The following KIZ variants were observed in gnomAD, a reference collection of about 807,000 sequenced individuals.
KIZ encodes the protein kizuna centrosomal protein.
Under a neutral mutation model 79.6 loss-of-function variants are expected in KIZ, and 68 were observed. The ratio of observed to expected loss-of-function variants is 0.85; its 90% confidence interval spans 0.70 to 1.05. The LOEUF (loss-of-function observed/expected upper bound fraction) is 1.05, where lower values mean the gene tolerates loss of function less well. Ranked by LOEUF, KIZ falls within the 50% of genes least tolerant of loss-of-function variation. The pLI, the probability that KIZ is intolerant of heterozygous loss-of-function variation, is 0.00. For missense variants in KIZ, 797 were observed against 800.4 expected (o/e 1.00, Z 0.05); for synonymous variants, 280 against 281.8 (o/e 0.99, Z 0.06).
intron 12 of KIZ, chr20:21,245,210 T>G (rs1309687677): frequency 6.6e-6 from 1 of 152,230 alleles, no homozygotes; most frequent in East Asian, 1.9e-4. Context: ...TAACCCAGTA[T>G]GGAAACTGAT....
chr20:21,222,540 G>A (rs529088235), intron 9 of KIZ, among the ~76,000 whole-genome samples: 1 of 152,312 alleles, frequency 6.6e-6, no homozygotes, highest in South Asian at 2.1e-4. Flanking sequence ...AAAATGAGGG[G>A]TTGGAGTGTA....
intron 11 of KIZ, among the ~76,000 whole-genome samples, chr20:21,235,255 T>C (rs532242273): frequency 1.3e-5 from 2 of 152,250 alleles, no homozygotes; most frequent in East Asian, 3.9e-4. Flanking sequence ...TTCGGGTGCT[T>C]TCATATTCCG....
At chr20:21,149,565 C>G (rs1213518974) in intron 4 of KIZ, among the ~76,000 whole-genome samples, 1 of 152,236 alleles carries the variant, frequency 6.6e-6, no homozygotes, top group African/African-American at 2.4e-5. Context: ...TCTGCAGTGG[C>G]TTTAGCCACG....
intron 4 of KIZ, chr20:21,158,702 G>GAA (rs2033505721): frequency 6.6e-6 from 1 of 152,196 alleles, no homozygotes; most frequent in Non-Finnish European, 1.5e-5. Flanking sequence ...AAGGATCATG[G>GAA]AGGTGGAACT....
chr20:21,141,026 ATAAAG>A (rs1408437901), intron 3 of KIZ, among the ~76,000 whole-genome samples: 2 of 152,092 alleles, frequency 1.3e-5, no homozygotes, highest in East Asian at 1.9e-4. Flanking sequence ...ATTAATAATA[ATAAAG>A]TAAATTAAAA....
At chr20:21,206,139 A>G (rs2035818522) in intron 7 of KIZ, among the ~76,000 whole-genome samples, 1 of 152,228 alleles carries the variant, frequency 6.6e-6, no homozygotes, top group African/African-American at 2.4e-5. Flanking sequence ...AAAGCATCTT[A>G]TAACACTCTA....
intron 6 of KIZ, among the ~76,000 whole-genome samples, chr20:21,177,347 A>G (rs951036168): frequency 1.3e-5 from 2 of 152,130 alleles, no homozygotes; most frequent in African/African-American, 2.4e-5. Flanking sequence ...GCATCTTTTC[A>G]TATACCTCTT....
At chr20:21,151,464 G>A (rs2033110998) in intron 4 of KIZ, 1 of 152,126 alleles carries the variant, frequency 6.6e-6, no homozygotes, top group Admixed American at 6.5e-5. Flanking sequence ...GGTGCCTATC[G>A]TGTAGTGGAA....
chr20:21,164,675 A>G (rs1425970136), intron 6 of KIZ, among the ~76,000 whole-genome samples: 3 of 151,678 alleles, frequency 2.0e-5, no homozygotes, highest in Non-Finnish European at 4.4e-5. Flanking sequence ...ACATTTCTCT[A>G]AGAGTCAAGA....
At chr20:21,227,059 T>A (rs1053055718) in intron 9 of KIZ, among the ~76,000 whole-genome samples, 90 of 152,134 alleles carry the variant, frequency 5.9e-4, no homozygotes, top group South Asian at 1.0e-3. Context: ...TTTTCCAGAG[T>A]ATCAAAATGG....
At chr20:21,236,437 A>G (rs77012199) in intron 11 of KIZ, among the ~76,000 whole-genome samples, 3,419 of 152,330 alleles carry the variant, frequency 0.022, 61 homozygotes, top group Middle Eastern at 0.051. Context: ...AGCAGTCAAA[A>G]ATTATTACAA....
intron 4 of KIZ, among the ~76,000 whole-genome samples, chr20:21,147,477 A>G (rs1600383929): frequency 6.6e-6 from 1 of 152,192 alleles, no homozygotes; most frequent in African/African-American, 2.4e-5. Context: ...TCCTTATCAT[A>G]TGAGTTATAG....
At chr20:21,163,967 T>C (rs904013923) in intron 6 of KIZ, among the ~76,000 whole-genome samples, 3 of 152,200 alleles carry the variant, frequency 2.0e-5, no homozygotes, top group African/African-American at 7.2e-5. Flanking sequence ...CTAAGGTAGA[T>C]CTCACCTTTT....
In KIZ at chr20:21,232,254, T is replaced by C. The variant is rs1003016211; in HGVS notation, c.1784-480T>C. On this transcript the variant is annotated intron_variant, in intron 10 of 12. Coordinates refer to ENST00000619189, the MANE Select transcript of KIZ (RefSeq NM_018474.6). ...CTTTAGAGGCTGGTAAAGAGTGGCC[T>C]TGATGATTTTCAGTGGAGATTCTTT... 3.9e-5 allele frequency among the ~76,000 whole-genome samples: 6 copies of C among 152,164 alleles called. No individual in the cohort carries two copies. The South Asian group carries it at 8.3e-4, about 21-fold the overall frequency.
chr20:21,241,325 A>AT (rs1222838990), intron 11 of KIZ, among the ~76,000 whole-genome samples: 1 of 152,186 alleles, frequency 6.6e-6, no homozygotes, highest in Non-Finnish European at 1.5e-5. Context: ...ACTTTCAGAG[A>AT]TTTTCCCAAA....
chr20:21,140,283 T>C (rs1206670044), intron 3 of KIZ, among the ~76,000 whole-genome samples: 1 of 152,160 alleles, frequency 6.6e-6, no homozygotes, highest in East Asian at 1.9e-4. Flanking sequence ...TCACAGTGCA[T>C]TGCCCACACA....
rs375670308 is a variant in KIZ, at chr20:21,219,207, A to G, written c.1678+3559A>G. 2.4e-4 allele frequency among the ~76,000 whole-genome samples: 37 copies of G among 152,380 alleles called. 1 individual carries two copies. In the East Asian group the frequency reaches 5.6e-3, roughly 23 times the overall value. ...GGTAGAATATTTATCGAGCTTAATTATAGAGCGTAGCTCAGTAACAAAACA... is the reference window on the plus strand; with the variant it reads ...GGTAGAATATTTATCGAGCTTAATTGTAGAGCGTAGCTCAGTAACAAAACA... On this transcript the variant is annotated intron_variant, in intron 9 of 12. Coordinates refer to ENST00000619189, the MANE Select transcript of KIZ (RefSeq NM_018474.6).
chr20:21,199,054 G>C (rs182950722), intron 6 of KIZ, among the ~76,000 whole-genome samples: 263 of 152,248 alleles, frequency 1.7e-3, no homozygotes, highest in Non-Finnish European at 3.1e-3. Context: ...TGTATAGCAT[G>C]GGAAGGATAT....
intron 5 of KIZ, 25 bp from the exon 6 acceptor site, chr20:21,162,825 A>G: frequency 6.3e-7 from 1 of 1,585,524 alleles, no homozygotes; most frequent in Non-Finnish European, 8.6e-7. Context: ...AGTGATTGGT[A>G]ATCAGTTCAT....
Sources: allele counts gnomAD v4.1 joint callset (sites outside exome capture counted in the v4.1 genomes callset), GRCh38; gene constraint gnomAD v4.1.1; transcripts MANE v1.5; gene names NCBI Gene and HGNC (gene_info 2026-07-23, HGNC 2026-07-21).